The following MED13 variants were observed in gnomAD, a reference collection of about 807,000 sequenced individuals.
MED13 encodes the protein mediator of RNA polymerase II transcription subunit 13.
A neutral mutation model predicts 225.2 loss-of-function variants in MED13; 23 were observed. That is an observed-to-expected ratio of 0.10 (90% CI 0.07 to 0.14). The LOEUF (loss-of-function observed/expected upper bound fraction) is 0.14. Ranked by LOEUF, MED13 falls within the 10% of genes least tolerant of loss-of-function variation. MED13 has a pLI of 1.00. For synonymous variants in MED13, 942 were observed against 889.2 expected (o/e 1.06, Z -1.06); for missense variants, 2,197 against 2,594.5 (o/e 0.85, Z 3.33).
chr17:61,943,123 T>C lies in MED13; in HGVS notation c.*3345A>G, dbSNP rs2079827096. On this transcript the variant is annotated 3_prime_UTR_variant, in exon 30 of 30. Coordinates refer to ENST00000397786, the MANE Select transcript of MED13 (RefSeq NM_005121.3). ...AAAAAGACCCCCCAAAAAGTTAAGA[T>C]TTCCAGCTTATTTCTGGAGGGGTGG... is the stretch of plus-strand genomic sequence containing the variant. 1 of 152,530 alleles carries C rather than the reference T, an allele frequency of 6.6e-6. No individual in the cohort carries two copies. The highest frequency in any genetic ancestry group is 2.4e-5 in the African/African-American group (1 of 41,454). 9.4% of individuals were successfully genotyped at this position (152,530 alleles called of 1,614,324 possible).
At chr17:62,006,194 A>G (rs2080445371) in intron 9 of MED13, 1 of 148,772 alleles carries the variant, frequency 6.7e-6, no homozygotes, top group Non-Finnish European at 1.5e-5. Flanking sequence ...GTGAGAAAAA[A>G]TCCGGACAGA....
chr17:61,998,949 T>A (rs996994892), intron 9 of MED13, among the ~76,000 whole-genome samples: 31 of 89,076 alleles, frequency 3.5e-4, no homozygotes, highest in Admixed American at 5.2e-4. Context: ...TTTTTTTTTT[T>A]ACCGTCTCCT....
At chr17:61,978,816 A>G (rs1196924217) in intron 16 of MED13, among the ~76,000 whole-genome samples, 3 of 152,010 alleles carry the variant, frequency 2.0e-5, no homozygotes, top group African/African-American at 4.8e-5. Flanking sequence ...TCCCTTTTTA[A>G]ATTTGGTCCC....
rs199681832 is a variant in MED13 at position 61,982,923 on chromosome 17, G to A, written c.3080C>T (p.Pro1027Leu). Residue 1027 changes from proline to leucine, a missense_variant, in exon 16 of 30, where the codon CCT becomes CTT. Pro to Leu is a moderately conservative substitution (Grantham distance 98). Transcript: ENST00000397786. ...TTTGACTGAACCTTGAGCACTAGCA[G>A]GTCCACCAGCTCCACGAGGAGTCCG... ...TPRTPRGAGG[P>L]ASAQGSVKYE... The A allele has an allele frequency of 1.2e-6, 2 of 1,614,126 alleles. No homozygotes were observed. Among genetic ancestry groups the A allele is most frequent in the Non-Finnish European group, 1.7e-6 (2 of 1,180,030 alleles).
At chr17:62,009,933 A>C (rs1437726928) in intron 9 of MED13, among the ~76,000 whole-genome samples, 1 of 152,214 alleles carries the variant, frequency 6.6e-6, no homozygotes. Context: ...AATAAGTACC[A>C]AATTGAGGCC....
chr17:61,973,941 G>A (rs575331601), intron 16 of MED13, among the ~76,000 whole-genome samples: 1 of 152,084 alleles, frequency 6.6e-6, no homozygotes, highest in African/African-American at 2.4e-5. Context: ...CGAGATCATG[G>A]CATTGCACTC....
intron 16 of MED13, among the ~76,000 whole-genome samples, chr17:61,976,479 T>C (rs1291056690): frequency 6.6e-6 from 1 of 152,206 alleles, no homozygotes; most frequent in Non-Finnish European, 1.5e-5. Context: ...ACCCACTGTG[T>C]TGATGACTGT....
intron 3 of MED13, among the ~76,000 whole-genome samples, chr17:62,049,532 A>G (rs1484461871): frequency 6.6e-6 from 1 of 152,234 alleles, no homozygotes; most frequent in African/African-American, 2.4e-5. Flanking sequence ...ATTTACAAAA[A>G]AAGTGGCAGA....
intron 11 of MED13, among the ~76,000 whole-genome samples, chr17:61,991,499 C>T (rs1236851242): frequency 6.6e-6 from 1 of 151,166 alleles, no homozygotes; most frequent in Admixed American, 6.6e-5. Context: ...ACCACCACGC[C>T]CAGCTAATTT....
intron 3 of MED13, among the ~76,000 whole-genome samples, chr17:62,048,741 C>T (rs997911931): frequency 6.6e-6 from 1 of 152,022 alleles, no homozygotes; most frequent in South Asian, 2.1e-4. Context: ...GGTGACAGAG[C>T]GTACAAATAC....
At chr17:61,996,318 CTCGGG>C (rs2080346511) in intron 9 of MED13, among the ~76,000 whole-genome samples, 1 of 152,188 alleles carries the variant, frequency 6.6e-6, no homozygotes, top group Non-Finnish European at 1.5e-5. Flanking sequence ...TTCCTATTCT[CTCGGG>C]TTTACAAAGC....
At position 61,964,922 on chromosome 17, in the gene MED13, T is replaced by G. The variant is rs2080041641; in HGVS notation, c.4844+84A>C. Reference sequence around the variant, plus strand: ...CTGCAGTACAGCCTGCGCAAAAGAGTGAGACTGTGTCTCAAGAAAAAAAAA... The same window carrying G: ...CTGCAGTACAGCCTGCGCAAAAGAGGGAGACTGTGTCTCAAGAAAAAAAAA... On this transcript the variant is annotated intron_variant, in intron 20 of 29. Transcript: ENST00000397786. The G allele has an allele frequency of 8.4e-6, 11 of 1,312,926 alleles. No individual in the cohort carries two copies. The East Asian group carries it at 2.8e-4, about 33-fold the overall frequency. 81.3% of individuals were successfully genotyped at this position (1,312,926 alleles called of 1,614,324 possible).
At chr17:62,034,049 GA>G in intron 4 of MED13, 65 bp from the exon 5 acceptor site, 1 of 1,357,152 alleles carries the variant, frequency 7.4e-7, no homozygotes, top group Non-Finnish European at 1.0e-6. Flanking sequence ...AGAACACAGT[GA>G]AAAATGTGGC....
Position 61,982,904 on chromosome 17 carries a change from T to C in MED13, c.3099A>G (p.Ser1033=), listed in dbSNP as rs1396884997. The C allele has an allele frequency of 6.2e-7, 1 of 1,614,202 alleles. No homozygotes were observed. Among genetic ancestry groups the C allele is most frequent in the Admixed American group, 1.7e-5 (1 of 60,024 alleles). The change falls in exon 16 of 30, where the codon TCA becomes TCG. Residue 1033 remains serine, a synonymous_variant. Transcript: ENST00000397786. The part of the protein sequence containing the change: ...GAGGPASAQG[S]VKYENSDLYS... The stretch of plus-strand genomic sequence containing the variant: ...ACAAGTCTGAATTTTCATATTTGAC[T>C]GAACCTTGAGCACTAGCAGGTCCAC...
intron 2 of MED13, among the ~76,000 whole-genome samples, chr17:62,053,448 T>C (rs1187917834): frequency 2.0e-5 from 3 of 152,182 alleles, no homozygotes; most frequent in Non-Finnish European, 2.9e-5. Flanking sequence ...CAAGTTAATT[T>C]ACCAAAAAAA....
rs892873657 is a variant in MED13 at position 62,029,872 on chromosome 17, T to C, written c.1151A>G (p.Asn384Ser). The C allele has an allele frequency of 8.7e-6, 14 of 1,611,672 alleles. No homozygotes were observed. Among genetic ancestry groups the C allele is most frequent in the Middle Eastern group, 1.6e-4 (1 of 6,074 alleles). ...ACACTTGTTCTGTGCTCTGTTCATA[T>C]TGCATTCTTGCCAAACTCTATCCAC... ...HVVDRVWQEC[N>S]MNRAQNKRKY... Residue 384 changes from asparagine to serine, a missense_variant, in exon 7 of 30, where the codon AAT becomes AGT. This residue lies in a region of MED13 where 884 missense variants were observed against 918.5 expected (regional missense o/e 0.96). Coordinates refer to ENST00000397786, the MANE Select transcript of MED13 (RefSeq NM_005121.3).
At chr17:61,997,380 A>G (rs899929928) in intron 9 of MED13, among the ~76,000 whole-genome samples, 5 of 152,212 alleles carry the variant, frequency 3.3e-5, no homozygotes, top group Admixed American at 1.3e-4. Flanking sequence ...GATATGTTTT[A>G]TAATTAATCA....
At chr17:61,961,519 C>CAAAAAAAAAA in intron 22 of MED13, 69 bp downstream of exon 22, 1 of 730,560 alleles carries the variant, frequency 1.4e-6, no homozygotes, top group South Asian at 2.1e-5. Flanking sequence ...GGCTCCATCT[C>CAAAAAAAAAA]AAAAAAAAAA....
chr17:61,949,628 A>G (rs1177553069), intron 28 of MED13, among the ~76,000 whole-genome samples: 1 of 152,218 alleles, frequency 6.6e-6, no homozygotes, highest in East Asian at 1.9e-4. Flanking sequence ...ACAGCTAGAA[A>G]AACTTTTTTA....
Sources: gnomAD v4.1 joint callset for allele counts (sites outside exome capture counted in the v4.1 genomes callset) on GRCh38, gnomAD v4.1.1 for gene constraint, gnomAD v4.1.1 regional missense constraint, MANE v1.5 for transcripts, NCBI Gene and HGNC (gene_info 2026-07-23, HGNC 2026-07-21) for gene names.